Variants in MOCOS observed in about 807,000 individuals in gnomAD.
MOCOS encodes molybdenum cofactor sulfurase.
A neutral mutation model predicts 83.6 loss-of-function variants in MOCOS; 86 were observed. That is an observed-to-expected ratio of 1.03 (90% CI 0.86 to 1.23). The LOEUF (loss-of-function observed/expected upper bound fraction) is 1.23. Among genes scored for constraint, MOCOS ranks in the 50% most tolerant of loss-of-function variants. The pLI is 0.00. For missense variants in MOCOS, 1,120 were observed against 1,126.9 expected, an observed-to-expected ratio of 0.99 and a Z score of 0.09; for synonymous variants, 445 against 434.7, an observed-to-expected ratio of 1.02 and a Z score of -0.29.
In MOCOS at chr18:36,221,602, G is replaced by GTGTTCTGTTC. The variant is rs10618481; in HGVS notation, c.1960+1426_1960+1435dup. Among the ~76,000 whole-genome samples, 435 of 150,786 alleles carry GTGTTCTGTTC rather than the reference G, an allele frequency of 2.9e-3. 3 individuals carry two copies. Among genetic ancestry groups the GTGTTCTGTTC allele is most frequent in the African/African-American group, 0.01 (416 of 40,936 alleles). ...TCACGATTGTGTTTCTTGGCTGTAA[G>GTGTTCTGTTC]TGTTCTGTTCTGTTCTGTTCTGTTC... On this transcript the variant is annotated intron_variant, in intron 9 of 14. Transcript: ENST00000261326.
intron 9 of MOCOS, among the ~76,000 whole-genome samples, chr18:36,237,607 T>A (rs1221503251): frequency 5.9e-5 from 9 of 152,042 alleles, no homozygotes; most frequent in Admixed American, 5.9e-4. Context: ...TTTGGTTGTG[T>A]CTCTGCCTGG....
chr18:36,232,852 C>T (rs1043290598), intron 9 of MOCOS, among the ~76,000 whole-genome samples: 1 of 60,532 alleles, frequency 1.7e-5, no homozygotes, highest in Non-Finnish European at 3.8e-5. Flanking sequence ...AATAATATTC[C>T]ATTACACACA....
At chr18:36,251,499 G>A (rs2091621814) in intron 11 of MOCOS, among the ~76,000 whole-genome samples, 1 of 152,104 alleles carries the variant, frequency 6.6e-6, no homozygotes, top group East Asian at 1.9e-4. Context: ...CATAAAGCCA[G>A]CTGTCCAGCC....
intron 6 of MOCOS, among the ~76,000 whole-genome samples, chr18:36,208,175 C>G (rs2091441462): frequency 6.6e-6 from 1 of 152,138 alleles, no homozygotes; most frequent in Admixed American, 6.5e-5. Flanking sequence ...TGTACTAGAA[C>G]CATGCTGTTT....
chr18:36,253,300 G>C (rs1421252099), intron 11 of MOCOS, among the ~76,000 whole-genome samples: 1 of 152,116 alleles, frequency 6.6e-6, no homozygotes, highest in Non-Finnish European at 1.5e-5. Flanking sequence ...CTATGCGAAG[G>C]GCAGAATCCT....
At chr18:36,267,915 A>T (rs1422427622) in intron 14 of MOCOS, among the ~76,000 whole-genome samples, 1 of 152,216 alleles carries the variant, frequency 6.6e-6, no homozygotes, top group African/African-American at 2.4e-5. Context: ...ATCATGAGGA[A>T]TTGGCCCAAT....
chr18:36,197,515 AG>A (rs2144898441), intron 2 of MOCOS, among the ~76,000 whole-genome samples: 1 of 152,038 alleles, frequency 6.6e-6, no homozygotes, highest in East Asian at 1.9e-4. Context: ...CTATAATCCC[AG>A]TGCTTTGGTA....
chr18:36,218,609 G>C (rs373329643), intron 8 of MOCOS, among the ~76,000 whole-genome samples: 16 of 151,914 alleles, frequency 1.1e-4, no homozygotes, highest in African/African-American at 3.6e-4. Flanking sequence ...TGAACTCCTG[G>C]TCTCAAGCTA....
At chr18:36,214,715 A>T (rs1477222247) in intron 7 of MOCOS, among the ~76,000 whole-genome samples, 1 of 152,082 alleles carries the variant, frequency 6.6e-6, no homozygotes, top group Non-Finnish European at 1.5e-5. Flanking sequence ...AGAAAGAGGG[A>T]TAGGACAGAA....
intron 11 of MOCOS, among the ~76,000 whole-genome samples, chr18:36,256,073 C>G (rs1051622150): frequency 4.0e-5 from 6 of 151,822 alleles, no homozygotes; most frequent in African/African-American, 1.5e-4. Flanking sequence ...TGTATTTTTA[C>G]TAGAGATGGG....
chr18:36,187,788 A>G, intron 1 of MOCOS, 107 bp downstream of exon 1: 1 of 1,181,924 alleles, frequency 8.5e-7, no homozygotes, highest in Non-Finnish European at 1.1e-6. Flanking sequence ...CGCATTTTGA[A>G]TCGAAACTCC....
At chr18:36,240,909 G>A (rs1261343123) in intron 9 of MOCOS, among the ~76,000 whole-genome samples, 7 of 152,150 alleles carry the variant, frequency 4.6e-5, no homozygotes, top group South Asian at 2.1e-4. Flanking sequence ...GGTGCCGTCC[G>A]TCACCCCTTT....
At chr18:36,229,080 G>A (rs1039735717) in intron 9 of MOCOS, among the ~76,000 whole-genome samples, 1 of 151,938 alleles carries the variant, frequency 6.6e-6, no homozygotes, top group African/African-American at 2.4e-5. Flanking sequence ...TTTATGCTAG[G>A]ATTAAAAATG....
chr18:36,198,658 G>A (rs554280579), intron 2 of MOCOS, 32 bp from the exon 3 acceptor site: 19 of 1,611,556 alleles, frequency 1.2e-5, no homozygotes, highest in Non-Finnish European at 1.4e-5. Context: ...CCTAAGTAGT[G>A]ACTTGGTGGC....
Position 36,261,477 on chromosome 18 carries a change from C to T in MOCOS, c.2409+1302C>T, listed in dbSNP as rs12960935. On this transcript the variant is annotated intron_variant, in intron 13 of 14. Coordinates refer to ENST00000261326, the MANE Select transcript of MOCOS (RefSeq NM_017947.4). The stretch of plus-strand genomic sequence containing the variant: ...AGCCACTGGTATAAACTGACTATAA[C>T]GAGCTACCTTGTATTCAGGCTCTGC... Among the ~76,000 whole-genome samples the T allele has an allele frequency of 4.3e-3, 650 of 152,264 alleles. 5 individuals are homozygous for T. Among genetic ancestry groups the T allele is most frequent in the South Asian group, 6.4e-3 (31 of 4,818 alleles).
In MOCOS at chr18:36,250,413, C is replaced by G. The variant is rs375706320; in HGVS notation, c.2040-746C>G. ...AAGTTGGACCCCAGTCGTTAGTGCT[C>G]TGGGTGATAGGCAGAGGATCACTCT... is the stretch of plus-strand genomic sequence containing the variant. On this transcript the variant is annotated intron_variant, in intron 10 of 14. Transcript: ENST00000261326. Among the ~76,000 whole-genome samples, 3 of 152,284 alleles carry G rather than the reference C, an allele frequency of 2.0e-5. No homozygotes were observed. In the East Asian group the frequency reaches 5.8e-4, roughly 29 times the overall value.
chr18:36,246,356 G>A (rs1037235441), intron 9 of MOCOS, among the ~76,000 whole-genome samples: 1 of 152,156 alleles, frequency 6.6e-6, no homozygotes, highest in African/African-American at 2.4e-5. Flanking sequence ...CTAAGGATAC[G>A]GCTTCTAAAA....
chr18:36,212,054 G>T (rs2091457625), intron 6 of MOCOS, among the ~76,000 whole-genome samples: 1 of 152,192 alleles, frequency 6.6e-6, no homozygotes, highest in South Asian at 2.1e-4. Flanking sequence ...GTGGCTGGCG[G>T]TCCTAATTCT....
At chr18:36,242,049 G>A (rs2091585804) in intron 9 of MOCOS, among the ~76,000 whole-genome samples, 1 of 152,238 alleles carries the variant, frequency 6.6e-6, no homozygotes. Flanking sequence ...ACATGCCCTG[G>A]AGACAGTTTT....
Sources: gnomAD v4.1 joint callset for allele counts (sites outside exome capture counted in the v4.1 genomes callset) on GRCh38, gnomAD v4.1.1 for gene constraint, MANE v1.5 for transcripts, NCBI Gene and HGNC (gene_info 2026-07-23, HGNC 2026-07-21) for gene names.